The following ST6GALNAC3 variants were observed in gnomAD, a reference collection of about 807,000 sequenced individuals.
ST6GALNAC3 encodes the protein alpha-N-acetylgalactosaminide alpha-2,6-sialyltransferase 3.
A neutral mutation model predicts 32.7 loss-of-function variants in ST6GALNAC3; 25 were observed. The ratio of observed to expected loss-of-function variants is 0.76; its 90% CI spans 0.56 to 1.07. The LOEUF (loss-of-function observed/expected upper bound fraction) is 1.07, where lower values mean the gene tolerates loss of function less well. Among genes scored for constraint, ST6GALNAC3 ranks in the 50% least tolerant of loss-of-function variants. ST6GALNAC3 has a pLI of 0.00. For synonymous variants in ST6GALNAC3, 129 were observed against 133.1 expected, an observed-to-expected ratio of 0.97 and a Z score of 0.21; for missense variants, 355 against 382.4, an observed-to-expected ratio of 0.93 and a Z score of 0.60.
chr1:76,216,773 C>T (rs1655489068), intron 1 of ST6GALNAC3, among the ~76,000 whole-genome samples: 1 of 152,142 alleles, frequency 6.6e-6, no homozygotes, highest in South Asian at 2.1e-4. Flanking sequence ...GCTTTGTGTA[C>T]AGTAAAGGTC....
chr1:76,340,745 G>C (rs1647896283), intron 2 of ST6GALNAC3, among the ~76,000 whole-genome samples: 1 of 151,990 alleles, frequency 6.6e-6, no homozygotes, highest in African/African-American at 2.4e-5. Context: ...TCCCCTGGAA[G>C]CTGGGGTGGG....
At chr1:76,378,534 C>T (rs780849035) in intron 2 of ST6GALNAC3, among the ~76,000 whole-genome samples, 11 of 151,932 alleles carry the variant, frequency 7.2e-5, no homozygotes, top group African/African-American at 2.2e-4. Context: ...TGGTGGCATG[C>T]GCCTGTAATC....
At chr1:76,290,925 C>T (rs561758527) in intron 1 of ST6GALNAC3, among the ~76,000 whole-genome samples, 1 of 152,072 alleles carries the variant, frequency 6.6e-6, no homozygotes, top group Non-Finnish European at 1.5e-5. Flanking sequence ...ACCTATTTAC[C>T]GAGCGAGCTG....
At chr1:76,152,329 A>C (rs1375709672) in intron 1 of ST6GALNAC3, among the ~76,000 whole-genome samples, 1 of 152,204 alleles carries the variant, frequency 6.6e-6, no homozygotes, top group Non-Finnish European at 1.5e-5. Context: ...ATTGCTGTCC[A>C]GGTTATTTAA....
intron 1 of ST6GALNAC3, among the ~76,000 whole-genome samples, chr1:76,109,765 C>T (rs1571169691): frequency 6.6e-6 from 1 of 152,204 alleles, no homozygotes; most frequent in East Asian, 1.9e-4. Flanking sequence ...TCCCTGAAAA[C>T]TGAGATGGGA....
chr1:76,139,527 A>G (rs760721866), intron 1 of ST6GALNAC3, among the ~76,000 whole-genome samples: 12 of 152,314 alleles, frequency 7.9e-5, no homozygotes, highest in African/African-American at 2.9e-4. Flanking sequence ...TCCCTATAGG[A>G]AGCCAAGCTG....
chr1:76,308,318 C>T (rs1376623490), intron 1 of ST6GALNAC3, among the ~76,000 whole-genome samples: 2 of 152,066 alleles, frequency 1.3e-5, no homozygotes, highest in Admixed American at 6.6e-5. Flanking sequence ...GTGCCTGGTA[C>T]TGTGTTCTGC....
At chr1:76,123,673 C>T (rs1447599983) in intron 1 of ST6GALNAC3, among the ~76,000 whole-genome samples, 2 of 151,258 alleles carry the variant, frequency 1.3e-5, no homozygotes, top group Non-Finnish European at 2.9e-5. Flanking sequence ...CTATCGAATA[C>T]TGAATAATAG....
At chr1:76,522,826 G>T (rs983569496) in intron 3 of ST6GALNAC3, among the ~76,000 whole-genome samples, 1 of 152,168 alleles carries the variant, frequency 6.6e-6, no homozygotes, top group Non-Finnish European at 1.5e-5. Context: ...AAATGCTGTT[G>T]CAGCTCACAC....
chr1:76,628,655 A>G lies in ST6GALNAC3; in HGVS notation c.767A>G (p.Tyr256Cys). The G allele has an allele frequency of 6.2e-7, 1 of 1,611,180 alleles. No individual in the cohort carries two copies. Among genetic ancestry groups the G allele is most frequent in the Non-Finnish European group, 8.5e-7 (1 of 1,178,752 alleles). ...EGYRKVPYHY[Y>C]EQGRDECDEY... is the part of the protein sequence containing the mutation. The stretch of plus-strand genomic sequence containing the variant: ...TATAGAAAAGTCCCCTACCATTATT[A>G]TGAACAAGGAAGAGATGAGTGTGAT... Residue 256 changes from tyrosine (Y) to cysteine (C), a missense_variant, in exon 5 of 5, where the codon TAT (tyrosine) becomes TGT (cysteine). Coordinates refer to ENST00000328299, the MANE Select transcript of ST6GALNAC3 (RefSeq NM_152996.4).
intron 1 of ST6GALNAC3, among the ~76,000 whole-genome samples, chr1:76,192,810 C>T (rs897498824): frequency 6.6e-6 from 1 of 152,124 alleles, no homozygotes; most frequent in African/African-American, 2.4e-5. Context: ...TTGTTCTCAC[C>T]CACTGGTCTT....
intron 1 of ST6GALNAC3, among the ~76,000 whole-genome samples, chr1:76,268,726 T>C (rs113341236): frequency 6.6e-6 from 1 of 152,242 alleles, no homozygotes; most frequent in African/African-American, 2.4e-5. Flanking sequence ...CATTACCTGA[T>C]GGCTGAATGA....
intron 3 of ST6GALNAC3, among the ~76,000 whole-genome samples, chr1:76,573,444 G>T (rs553886991): frequency 2.0e-5 from 3 of 152,026 alleles, no homozygotes; most frequent in Admixed American, 6.6e-5. Flanking sequence ...TGTGTGAATT[G>T]CACACACAGG....
At chr1:76,491,347 C>A (rs1660488370) in intron 3 of ST6GALNAC3, among the ~76,000 whole-genome samples, 1 of 152,110 alleles carries the variant, frequency 6.6e-6, no homozygotes, top group African/African-American at 2.4e-5. Context: ...TTCAGAGGTT[C>A]TTTGAAATGC....
At chr1:76,437,854 G>A (rs975653117) in intron 3 of ST6GALNAC3, among the ~76,000 whole-genome samples, 1 of 151,872 alleles carries the variant, frequency 6.6e-6, no homozygotes, top group African/African-American at 2.4e-5. Context: ...GATTATAGGC[G>A]TGAACCACCG....
At chr1:76,219,949 C>T (rs1420509823) in intron 1 of ST6GALNAC3, among the ~76,000 whole-genome samples, 1 of 152,002 alleles carries the variant, frequency 6.6e-6, no homozygotes, top group Non-Finnish European at 1.5e-5. Context: ...TCCTGTGACT[C>T]GTGGTGGTTG....
chr1:76,255,380 G>T (rs1657863032), intron 1 of ST6GALNAC3, among the ~76,000 whole-genome samples: 1 of 152,106 alleles, frequency 6.6e-6, no homozygotes, highest in Admixed American at 6.6e-5. Flanking sequence ...GCCTGCAGAT[G>T]TTAAATTATC....
chr1:76,609,157 A>G (rs913078112), intron 3 of ST6GALNAC3, among the ~76,000 whole-genome samples: 19 of 152,182 alleles, frequency 1.2e-4, no homozygotes, highest in African/African-American at 4.1e-4. Flanking sequence ...CCCTTATTCG[A>G]ATAGTTTTTA....
chr1:76,322,723 T>C (rs1268731460), intron 2 of ST6GALNAC3, among the ~76,000 whole-genome samples: 2 of 152,188 alleles, frequency 1.3e-5, no homozygotes, highest in Non-Finnish European at 2.9e-5. Context: ...TATATGCTTT[T>C]ATATCAAATG....
Sources: allele counts gnomAD v4.1 joint callset (sites outside exome capture counted in the v4.1 genomes callset), GRCh38; gene constraint gnomAD v4.1.1; transcripts MANE v1.5; gene names NCBI Gene and HGNC (gene_info 2026-07-23, HGNC 2026-07-21).